The following XRCC4 variants were observed in gnomAD, a reference collection of about 807,000 sequenced individuals.
XRCC4 encodes the protein X-ray repair cross complementing 4, also known as DNA repair protein XRCC4.
XRCC4 carries 28 observed loss-of-function variants against 39.1 expected under a neutral mutation model. That is an observed-to-expected ratio of 0.72 (90% confidence interval 0.53 to 0.98). The LOEUF is 0.98. XRCC4 is among the 50% of genes least tolerant of loss of function. XRCC4 has a pLI of 0.00. For missense variants in XRCC4, 350 were observed against 376.4 expected, an observed-to-expected ratio of 0.93 and a Z score of 0.58; for synonymous variants, 123 against 126.4, an observed-to-expected ratio of 0.97 and a Z score of 0.18.
At chr5:83,259,732 G>T (rs1753684178) in intron 7 of XRCC4, among the ~76,000 whole-genome samples, 1 of 151,964 alleles carries the variant, frequency 6.6e-6, no homozygotes, top group Admixed American at 6.6e-5. Context: ...ATGAATTAAT[G>T]AATCTGTTTA....
intron 1 of XRCC4, among the ~76,000 whole-genome samples, chr5:83,098,628 G>T (rs1168274098): frequency 2.0e-5 from 3 of 151,670 alleles, no homozygotes; most frequent in African/African-American, 7.3e-5. Flanking sequence ...TGTTTTAATT[G>T]CTTTGGAAAT....
intron 1 of XRCC4, among the ~76,000 whole-genome samples, chr5:83,078,620 A>C (rs1179440601): frequency 6.6e-6 from 1 of 152,224 alleles, no homozygotes; most frequent in Admixed American, 6.5e-5. Context: ...AGGGCACACA[A>C]AGGTTTTGTT....
rs1257582394 is a variant in XRCC4 at position 83,091,550 on chromosome 5, A to G, written c.-10-13360A>G. Reference sequence around the variant, plus strand: ...TACCACCCAGCCTCTGGTAACCACCATTCTACTCTCTGCTTCTGTGAGTTC... The same window carrying G: ...TACCACCCAGCCTCTGGTAACCACCGTTCTACTCTCTGCTTCTGTGAGTTC... On this transcript the variant is annotated intron_variant, in intron 1 of 7. Coordinates refer to ENST00000396027, the MANE Select transcript of XRCC4 (RefSeq NM_003401.5). Among the ~76,000 whole-genome samples the G allele has an allele frequency of 5.3e-5, 8 of 152,298 alleles. No homozygotes were observed. In the East Asian group the frequency reaches 1.4e-3, roughly 26 times the overall value.
chr5:83,082,293 T>C (rs1370511452), intron 1 of XRCC4, among the ~76,000 whole-genome samples: 5 of 152,198 alleles, frequency 3.3e-5, no homozygotes, highest in Non-Finnish European at 7.3e-5. Flanking sequence ...CAATATGTTA[T>C]GCTAGATTGG....
rs28383116 is a variant in XRCC4 at position 83,077,814 on chromosome 5, C to T, written c.-11+199C>T. 183 of 162,100 alleles carry T rather than the reference C, an allele frequency of 1.1e-3. 5 individuals are homozygous for T. The East Asian group carries it at 0.031, about 27-fold the overall frequency. 10.0% of individuals were successfully genotyped at this position (162,100 alleles called of 1,614,324 possible). A position where few individuals can be genotyped will look rare whatever the true frequency, so the allele number is the denominator to read the frequency against. On this transcript the variant is annotated intron_variant, in intron 1 of 7. Transcript: ENST00000396027. Reference sequence around the variant, plus strand: ...GGGATGCTAGGGTTCTCGGCATTATCCTCAGGGTGCGACCTGTTCACCCCC... The same window carrying T: ...GGGATGCTAGGGTTCTCGGCATTATTCTCAGGGTGCGACCTGTTCACCCCC...
At chr5:83,228,531 G>A (rs1752375639) in intron 6 of XRCC4, among the ~76,000 whole-genome samples, 1 of 152,000 alleles carries the variant, frequency 6.6e-6, no homozygotes, top group Non-Finnish European at 1.5e-5. Flanking sequence ...AAAAATTTGA[G>A]TTCACACCTA....
At chr5:83,328,204 G>A (rs767219983) in intron 7 of XRCC4, among the ~76,000 whole-genome samples, 16 of 152,054 alleles carry the variant, frequency 1.1e-4, no homozygotes, top group Non-Finnish European at 1.9e-4. Flanking sequence ...ACTATCAGGA[G>A]AATAGCATGG....
intron 6 of XRCC4, among the ~76,000 whole-genome samples, chr5:83,211,394 G>A (rs1049104851): frequency 4.6e-5 from 7 of 152,204 alleles, no homozygotes; most frequent in Non-Finnish European, 1.0e-4. Flanking sequence ...TGATCTTGGT[G>A]TCAGTGGGTA....
chr5:83,290,578 C>G (rs1754888827), intron 7 of XRCC4, among the ~76,000 whole-genome samples: 1 of 151,634 alleles, frequency 6.6e-6, no homozygotes, highest in African/African-American at 2.4e-5. Flanking sequence ...TGTTGCTTGT[C>G]TGAAAAATAA....
chr5:83,271,055 A>G (rs1164338596), intron 7 of XRCC4, among the ~76,000 whole-genome samples: 2 of 152,046 alleles, frequency 1.3e-5, no homozygotes, highest in African/African-American at 4.8e-5. Flanking sequence ...GCATTCCTGG[A>G]TTGTCTTTCA....
At chr5:83,274,190 C>G (rs1043204899) in intron 7 of XRCC4, among the ~76,000 whole-genome samples, 7 of 152,154 alleles carry the variant, frequency 4.6e-5, no homozygotes, top group Admixed American at 1.3e-4. Flanking sequence ...TTCCAGTACT[C>G]AACTGTCTAG....
intron 3 of XRCC4, among the ~76,000 whole-genome samples, chr5:83,141,676 A>G (rs549092104): frequency 6.6e-6 from 1 of 151,480 alleles, no homozygotes; most frequent in South Asian, 2.1e-4. Context: ...TTGTCCTTCA[A>G]ATTTGAAGAT....
At chr5:83,233,947 C>T (rs1037524071) in intron 6 of XRCC4, among the ~76,000 whole-genome samples, 4 of 151,178 alleles carry the variant, frequency 2.6e-5, no homozygotes, top group Non-Finnish European at 4.4e-5. Context: ...CAACAATCAC[C>T]GAGTGATAGA....
intron 7 of XRCC4, among the ~76,000 whole-genome samples, chr5:83,265,457 C>T (rs1753921850): frequency 6.6e-6 from 1 of 152,164 alleles, no homozygotes; most frequent in African/African-American, 2.4e-5. Flanking sequence ...CTGCGGCTCT[C>T]ACTTTGCTTG....
chr5:83,311,923 G>C (rs1755721618), intron 7 of XRCC4, among the ~76,000 whole-genome samples: 1 of 151,952 alleles, frequency 6.6e-6, no homozygotes, highest in Admixed American at 6.6e-5. Flanking sequence ...TGGAAAGAAA[G>C]TCTTTTGTGA....
intron 7 of XRCC4, among the ~76,000 whole-genome samples, chr5:83,331,614 T>C (rs369888641): frequency 5.3e-5 from 8 of 152,080 alleles, no homozygotes; most frequent in Admixed American, 2.0e-4. Context: ...AAAAATTTCA[T>C]ATCGAGCTCA....
At chr5:83,152,555 C>T (rs1391332894) in intron 3 of XRCC4, among the ~76,000 whole-genome samples, 2 of 151,060 alleles carry the variant, frequency 1.3e-5, no homozygotes, top group Admixed American at 1.3e-4. Flanking sequence ...ATTGCTTGAA[C>T]CCGGGAGGCA....
chr5:83,187,850 T>A (rs554769314), intron 3 of XRCC4, among the ~76,000 whole-genome samples: 1 of 152,162 alleles, frequency 6.6e-6, no homozygotes, highest in Non-Finnish European at 1.5e-5. Flanking sequence ...ACTTACTTTT[T>A]AATTTAATTA....
chr5:83,233,902 CAAAAA>C (rs10629125), intron 6 of XRCC4, among the ~76,000 whole-genome samples: 1 of 78,020 alleles, frequency 1.3e-5, no homozygotes, highest in Admixed American at 1.6e-4. Flanking sequence ...GACTTCATCT[CAAAAA>C]AAAAAAAAAA....
Sources: allele counts gnomAD v4.1 joint callset (sites outside exome capture counted in the v4.1 genomes callset), GRCh38; gene constraint gnomAD v4.1.1; transcripts MANE v1.5; gene names NCBI Gene and HGNC (gene_info 2026-07-23, HGNC 2026-07-21).